The following THNSL1 variants were observed in gnomAD, a reference collection of about 807,000 sequenced individuals.
THNSL1 encodes threonine synthase-like 1.
A neutral mutation model predicts 50.4 loss-of-function variants in THNSL1; 48 were observed. The observed-to-expected ratio is 0.95, with a 90% CI of 0.76 to 1.21. The LOEUF is 1.21. Among genes scored for constraint, THNSL1 ranks in the 50% most tolerant of loss-of-function variants. The pLI is 0.00. For synonymous variants in THNSL1, 309 were observed against 306.1 expected (o/e 1.01, Z -0.10); for missense variants, 896 against 871.7 (o/e 1.03, Z -0.35).
At chr10:24,961,603 C>T in the THNSL1 span, among the ~76,000 whole-genome samples, 4 of 151,778 alleles carry the variant, frequency 2.6e-5, no homozygotes, top group South Asian at 8.3e-4. Flanking sequence ...TTAAATTTTA[C>T]TGTGAAAACA....
chr10:25,001,281 T>C, the THNSL1 span, among the ~76,000 whole-genome samples: 1 of 151,840 alleles, frequency 6.6e-6, no homozygotes, highest in African/African-American at 2.4e-5. Flanking sequence ...TTCTTCTATA[T>C]AATTTTTCTT....
chr10:24,972,518 A>AAT, the THNSL1 span, among the ~76,000 whole-genome samples: 16 of 146,136 alleles, frequency 1.1e-4, no homozygotes, highest in African/African-American at 4.4e-4. Flanking sequence ...AAAAAAAAAA[A>AAT]AATAAATAAT....
upstream of THNSL1, among the ~76,000 whole-genome samples, chr10:25,011,749 A>G (rs944247537): frequency 1.3e-5 from 2 of 152,270 alleles, no homozygotes; most frequent in African/African-American, 4.8e-5. Flanking sequence ...TTATGTTTAA[A>G]AGGAAGCAGA....
the THNSL1 span, among the ~76,000 whole-genome samples, chr10:24,997,563 ATTT>A: frequency 6.6e-6 from 1 of 151,564 alleles, no homozygotes; most frequent in Non-Finnish European, 1.5e-5. Context: ...ATTAAAAAAA[ATTT>A]TTTATAGAGA....
In THNSL1 at chr10:25,016,673, G is replaced by C. The variant is rs1356238429; in HGVS notation, c.-235G>C. On this transcript the variant is annotated 5_prime_UTR_variant, in exon 1 of 3. Transcript: ENST00000376356. ...CGCAGAGTCCACTGCGCGGGGGCGG[G>C]ACCGGGGAGCTAGCTGCAGGTACGG... The C allele has an allele frequency of 6.6e-6, 1 of 152,366 alleles. No individual in the cohort carries two copies. Among genetic ancestry groups the C allele is most frequent in the Non-Finnish European group, 1.5e-5 (1 of 68,158 alleles). 9.4% of individuals were successfully genotyped at this position (152,366 alleles called of 1,614,324 possible). A position where few individuals can be genotyped will look rare whatever the true frequency, so the allele number is the denominator to read the frequency against.
the THNSL1 span, among the ~76,000 whole-genome samples, chr10:24,996,976 C>T: frequency 6.6e-6 from 1 of 152,152 alleles, no homozygotes; most frequent in South Asian, 2.1e-4. Context: ...AATTTGAACA[C>T]AGACATACAT....
chr10:25,016,986 G>C (rs76554366), intron 1 of THNSL1, among the ~76,000 whole-genome samples: 3,796 of 152,240 alleles, frequency 0.025, 61 homozygotes, highest in Non-Finnish European at 0.036. Context: ...GTGCGCGCAC[G>C]GGGCCCGCGG....
At chr10:25,003,193 T>TATTC in the THNSL1 span, among the ~76,000 whole-genome samples, 1 of 151,620 alleles carries the variant, frequency 6.6e-6, no homozygotes, top group African/African-American at 2.4e-5. Context: ...TTTATTTATT[T>TATTC]ATTCATTTAT....
At chr10:24,978,168 C>T in the THNSL1 span, among the ~76,000 whole-genome samples, 1 of 152,168 alleles carries the variant, frequency 6.6e-6, no homozygotes, top group Admixed American at 6.6e-5. Context: ...TTGGTATTCA[C>T]TTACTCTGTT....
chr10:24,998,291 T>C, the THNSL1 span, among the ~76,000 whole-genome samples: 2 of 151,440 alleles, frequency 1.3e-5, no homozygotes, highest in East Asian at 3.9e-4. Flanking sequence ...TTCTTTTCTT[T>C]TCTTCTCTTC....
At chr10:25,019,876 A>G (rs1468337174) in intron 1 of THNSL1, among the ~76,000 whole-genome samples, 1 of 151,916 alleles carries the variant, frequency 6.6e-6, no homozygotes, top group Non-Finnish European at 1.5e-5. Flanking sequence ...TTTTTTTTCC[A>G]TTTCTCCGTG....
At chr10:24,955,907 A>C in the THNSL1 span, among the ~76,000 whole-genome samples, 1 of 152,160 alleles carries the variant, frequency 6.6e-6, no homozygotes, top group South Asian at 2.1e-4. Context: ...TAATTGCACC[A>C]CTGCACTCCA....
upstream of THNSL1, chr10:25,015,827 G>A (rs749508420): frequency 6.4e-7 from 1 of 1,565,980 alleles, no homozygotes; most frequent in Non-Finnish European, 8.6e-7. Flanking sequence ...CCCCATTCTT[G>A]TTTCAAGTGA....
At chr10:24,994,357 C>T in the THNSL1 span, among the ~76,000 whole-genome samples, 3 of 145,928 alleles carry the variant, frequency 2.1e-5, no homozygotes, top group South Asian at 6.6e-4. Flanking sequence ...TTTTTGACAC[C>T]GAGTCTCGCT....
At chr10:24,980,752 T>G in the THNSL1 span, among the ~76,000 whole-genome samples, 1 of 152,216 alleles carries the variant, frequency 6.6e-6, no homozygotes, top group African/African-American at 2.4e-5. Context: ...AGTCTCCCTC[T>G]GTCACCCAGG....
At chr10:24,976,634 T>C in the THNSL1 span, among the ~76,000 whole-genome samples, 7 of 151,826 alleles carry the variant, frequency 4.6e-5, no homozygotes, top group Non-Finnish European at 1.0e-4. Flanking sequence ...GGATTACAGG[T>C]GCCTGCCACC....
the THNSL1 span, among the ~76,000 whole-genome samples, chr10:25,003,178 A>C: frequency 8.9e-6 from 1 of 112,724 alleles, no homozygotes; most frequent in Non-Finnish European, 1.8e-5. Flanking sequence ...TAATTAATTA[A>C]TTAATTTATT....
At chr10:24,974,132 C>T in the THNSL1 span, among the ~76,000 whole-genome samples, 1 of 152,028 alleles carries the variant, frequency 6.6e-6, no homozygotes, top group Non-Finnish European at 1.5e-5. Flanking sequence ...TATAGGAGAG[C>T]AGAAGTTCAA....
At chr10:25,002,636 T>C in the THNSL1 span, among the ~76,000 whole-genome samples, 1 of 152,202 alleles carries the variant, frequency 6.6e-6, no homozygotes, top group African/African-American at 2.4e-5. Context: ...ATAAATCCCA[T>C]TTTTGGTTGA....
Sources: allele counts gnomAD v4.1 joint callset (sites outside exome capture counted in the v4.1 genomes callset), GRCh38; gene constraint gnomAD v4.1.1; transcripts MANE v1.5; gene names NCBI Gene and HGNC (gene_info 2026-07-23, HGNC 2026-07-21).